The following DIPK1C variants were observed in gnomAD, a reference collection of about 807,000 sequenced individuals.
DIPK1C encodes divergent protein kinase domain 1C, also known as familial non-conventional Alzheimer's dementia.
A neutral mutation model predicts 28.0 loss-of-function variants in DIPK1C; 33 were observed. That is an observed-to-expected ratio of 1.18 (90% CI 0.89 to 1.58). The LOEUF (loss-of-function observed/expected upper bound fraction) is 1.58. DIPK1C is among the 40% of genes most tolerant of loss of function. The pLI is 0.00. For synonymous variants in DIPK1C, 255 were observed against 248.8 expected, an observed-to-expected ratio of 1.02 and a Z score of -0.23; for missense variants, 569 against 568.5, an observed-to-expected ratio of 1.00 and a Z score of -0.01.
rs1985962004 is a variant in DIPK1C at position 74,435,249 on chromosome 18, T to G, written c.*1252A>C. On this transcript the variant is annotated 3_prime_UTR_variant, in exon 4 of 4. Transcript: ENST00000343998. ...TCCTGATTCTCTCATCTTTCTCGATTTCCCTTTTCATGGGATTTCTGAAAA... is the reference window on the plus strand; with the variant it reads ...TCCTGATTCTCTCATCTTTCTCGATGTCCCTTTTCATGGGATTTCTGAAAA... The G allele has an allele frequency of 2.6e-5, 4 of 152,238 alleles. No individual in the cohort carries two copies. In the South Asian group the frequency reaches 6.2e-4, roughly 24 times the overall value. 9.4% of individuals were successfully genotyped at this position (152,238 alleles called of 1,614,324 possible). A position where few individuals can be genotyped will look rare whatever the true frequency, so the allele number is the denominator to read the frequency against.
chr18:74,463,224 C>T, the DIPK1C span, among the ~76,000 whole-genome samples: 2 of 152,258 alleles, frequency 1.3e-5, no homozygotes, highest in South Asian at 2.1e-4. Context: ...AGATGCTGAA[C>T]GTTATTTGCT....
chr18:74,446,956 G>A lies in DIPK1C; in HGVS notation c.526C>T (p.Arg176Trp), dbSNP rs941744661. Residue 176 changes from arginine (R) to tryptophan (W), a missense_variant, in exon 2 of 4, where the codon CGG (arginine) becomes TGG (tryptophan). Physicochemically the swap from Arg to Trp is moderately radical, Grantham distance 101 (BLOSUM62 -3). Coordinates refer to ENST00000343998, the MANE Select transcript of DIPK1C (RefSeq NM_001044369.3). ...AGCTGTCCCCGCCAGCGTGGGCCCC[G>A]CCTGCCCGGCCACCACGGCCCCAGG... ...SSLGPWWPGR[R>W]GPRWRGQLAS... 1.7e-5 allele frequency: 26 copies of A among 1,505,664 alleles called. No individual in the cohort carries two copies. The highest frequency in any genetic ancestry group is 1.0e-4 in the South Asian group (8 of 77,310). 93.3% of individuals were successfully genotyped at this position (1,505,664 alleles called of 1,614,324 possible).
chr18:74,451,755 G>T (rs2346057), intron 1 of DIPK1C, among the ~76,000 whole-genome samples: 13 of 152,062 alleles, frequency 8.5e-5, no homozygotes, highest in African/African-American at 3.1e-4. Flanking sequence ...TGACAAAAGC[G>T]CTGACCAGAC....
upstream of DIPK1C, among the ~76,000 whole-genome samples, chr18:74,461,942 G>T (rs976385795): frequency 4.7e-5 from 7 of 149,556 alleles, no homozygotes; most frequent in African/African-American, 1.7e-4. Flanking sequence ...AAACTTTTTT[G>T]GTAGAGATGG....
At chr18:74,441,702 G>A (rs766545498) in intron 3 of DIPK1C, among the ~76,000 whole-genome samples, 8 of 152,120 alleles carry the variant, frequency 5.3e-5, no homozygotes, top group African/African-American at 9.7e-5. Context: ...GCAAGAGGAA[G>A]CCCAGCAGCC....
chr18:74,449,971 G>A (rs944764082), intron 1 of DIPK1C, among the ~76,000 whole-genome samples: 7 of 152,132 alleles, frequency 4.6e-5, no homozygotes, highest in East Asian at 1.9e-4. Flanking sequence ...CTTTGCTTGC[G>A]ATCACCTCCA....
chr18:74,462,494 C>T (rs1403949192), upstream of DIPK1C, among the ~76,000 whole-genome samples: 1 of 152,162 alleles, frequency 6.6e-6, no homozygotes, highest in Non-Finnish European at 1.5e-5. Flanking sequence ...AGTTGAAGGA[C>T]ATTTGAATTG....
Position 74,436,735 on chromosome 18 carries a change from G to A in DIPK1C, c.1042-16C>T, listed in dbSNP as rs146689233. 175 of 1,595,702 alleles carry A rather than the reference G, an allele frequency of 1.1e-4. 1 individual carries two copies. In the East Asian group the frequency reaches 3.7e-3, roughly 34 times the overall value. On this transcript the variant is annotated splice_polypyrimidine_tract_variant and intron_variant, in intron 3 of 3. Coordinates refer to ENST00000343998, the MANE Select transcript of DIPK1C (RefSeq NM_001044369.3). Reference sequence around the variant, plus strand: ...CACAGATGACCTGAGGGAAAGAAGGGTGGACAGTTAATTTAGGGCAGCAAA... The same window carrying A: ...CACAGATGACCTGAGGGAAAGAAGGATGGACAGTTAATTTAGGGCAGCAAA...
At chr18:74,456,487 G>T (rs1443357665) in intron 1 of DIPK1C, among the ~76,000 whole-genome samples, 1 of 152,224 alleles carries the variant, frequency 6.6e-6, no homozygotes, top group Non-Finnish European at 1.5e-5. Flanking sequence ...ACACTGCGTC[G>T]GTTCCCACAG....
At position 74,447,698 on chromosome 18, in the gene DIPK1C, G is replaced by C. The variant is rs1319422748; in HGVS notation, c.199-415C>G. The stretch of plus-strand genomic sequence containing the variant: ...AGCTTCTAAGTCCCACATCTAAGCA[G>C]CTAGGTCAGGTCTCAGCAGAGGGGA... On this transcript the variant is annotated intron_variant, in intron 1 of 3. Transcript: ENST00000343998. This position sits in a 1 kb window ranked among gnomAD's most constrained non-coding sequence, Gnocchi z 4.1. 1.3e-5 allele frequency among the ~76,000 whole-genome samples: 2 copies of C among 152,184 alleles called. No individual in the cohort carries two copies. Among genetic ancestry groups the C allele is most frequent in the African/African-American group, 2.4e-5 (1 of 41,456 alleles).
At chr18:74,443,325 T>C (rs553866640) in intron 2 of DIPK1C, among the ~76,000 whole-genome samples, 8 of 152,230 alleles carry the variant, frequency 5.3e-5, no homozygotes, top group Non-Finnish European at 1.2e-4. Context: ...TTCGAGGTAT[T>C]AAACAGCCAC....
upstream of DIPK1C, among the ~76,000 whole-genome samples, chr18:74,460,076 G>A (rs2144538105): frequency 6.6e-6 from 1 of 152,306 alleles, no homozygotes; most frequent in African/African-American, 2.4e-5. Flanking sequence ...CAGGCTCTGA[G>A]GATGTGGTGG....
At chr18:74,437,618 C>A (rs12606984) in intron 3 of DIPK1C, among the ~76,000 whole-genome samples, 51,940 of 152,074 alleles carry the variant, frequency 0.34, 9,408 homozygotes, top group Non-Finnish European at 0.4. Flanking sequence ...ACTTCCATTT[C>A]ACAATCCCTG....
At chr18:74,444,485 A>C (rs1986215827) in intron 2 of DIPK1C, among the ~76,000 whole-genome samples, 1 of 152,242 alleles carries the variant, frequency 6.6e-6, no homozygotes, top group East Asian at 1.9e-4. Flanking sequence ...CTAGCTCTCA[A>C]ACTTAAGCAC....
chr18:74,446,649 C>A lies in DIPK1C; in HGVS notation c.833G>T (p.Cys278Phe). ...DSDFSHRLHL[C>F]DIKPENFAIR... ...GGCAAAGTTTTCCGGCTTGATGTCG[C>A]AGAGGTGGAGGCGGTGGGAAAAGTC... Residue 278 changes from cysteine to phenylalanine, a missense_variant, in exon 2 of 4, where the codon TGC becomes TTC. Coordinates refer to ENST00000343998, the MANE Select transcript of DIPK1C (RefSeq NM_001044369.3). 6.7e-7 allele frequency: 1 copy of A among 1,481,808 alleles called. No individual in the cohort carries two copies. The highest frequency in any genetic ancestry group is 9.0e-7 in the Non-Finnish European group (1 of 1,114,158). The allele number at this position is 1,481,808 out of a possible 1,614,324, so 91.8% of individuals were successfully genotyped here. A position where few individuals can be genotyped will look rare whatever the true frequency, so the allele number is the denominator to read the frequency against.
In DIPK1C at chr18:74,442,609, A is replaced by G. The variant is rs373220617; in HGVS notation, c.877-493T>C. Among the ~76,000 whole-genome samples the G allele has an allele frequency of 4.2e-3, 633 of 152,318 alleles. 2 individuals are homozygous for G. Among genetic ancestry groups the G allele is most frequent in the Middle Eastern group, 0.02 (6 of 294 alleles). On this transcript the variant is annotated intron_variant, in intron 2 of 3. Transcript: ENST00000343998. ...CTCCCAAAGTGCTGGGATTATAGGC[A>G]TGAGCCACCGTGCCCGGCCGCATTT...
chr18:74,437,494 C>A (rs150327822), intron 3 of DIPK1C, among the ~76,000 whole-genome samples: 49 of 152,240 alleles, frequency 3.2e-4, no homozygotes, highest in Admixed American at 3.0e-3. Context: ...AAATGACCTG[C>A]GAGCTGCGTG....
At chr18:74,462,427 T>G (rs1282205551), upstream of DIPK1C, among the ~76,000 whole-genome samples, 1 of 152,206 alleles carries the variant, frequency 6.6e-6, no homozygotes, top group Admixed American at 6.5e-5. Flanking sequence ...CATTTTGTGT[T>G]AAAAACAGCA....
At position 74,456,581 on chromosome 18, in the gene DIPK1C, G is replaced by A. The variant is rs542091238; in HGVS notation, c.198+481C>T. Among the ~76,000 whole-genome samples the A allele has an allele frequency of 7.2e-5, 11 of 152,326 alleles. No individual in the cohort carries two copies. In the South Asian group the frequency reaches 1.4e-3, roughly 20 times the overall value. On this transcript the variant is annotated intron_variant, in intron 1 of 3. Coordinates refer to ENST00000343998, the MANE Select transcript of DIPK1C (RefSeq NM_001044369.3). ...CTCCGCATGGGCTCGGTGAGATAGGGGGTGACCTGGCAGCTCAGGGTGGAA... is the reference window on the plus strand; with the variant it reads ...CTCCGCATGGGCTCGGTGAGATAGGAGGTGACCTGGCAGCTCAGGGTGGAA...
Sources: gnomAD v4.1 joint callset for allele counts (sites outside exome capture counted in the v4.1 genomes callset) on GRCh38, gnomAD v4.1.1 for gene constraint, Gnocchi (gnomAD v3.1) non-coding constraint, MANE v1.5 for transcripts, NCBI Gene and HGNC (gene_info 2026-07-23, HGNC 2026-07-21) for gene names.